Variants in KHDRBS2 observed in about 807,000 individuals in gnomAD.
KHDRBS2 encodes the protein KH RNA binding domain containing, signal transduction associated 2, also known as KH domain-containing, RNA-binding, signal transduction-associated protein 2.
Under a neutral mutation model 44.3 loss-of-function variants are expected in KHDRBS2, and 26 were observed. That is an observed-to-expected ratio of 0.59 (90% CI 0.43 to 0.81). The LOEUF (loss-of-function observed/expected upper bound fraction) is 0.81. Ranked by LOEUF, KHDRBS2 falls within the 40% of genes least tolerant of loss-of-function variation. KHDRBS2 has a pLI of 0.00. For synonymous variants in KHDRBS2, 194 were observed against 151.1 expected, an observed-to-expected ratio of 1.28 and a Z score of -2.08; for missense variants, 476 against 433.1, an observed-to-expected ratio of 1.10 and a Z score of -0.88.
At chr6:62,048,799 G>T (rs899843531) in intron 2 of KHDRBS2, among the ~76,000 whole-genome samples, 1 of 151,792 alleles carries the variant, frequency 6.6e-6, no homozygotes, top group Admixed American at 6.6e-5. Flanking sequence ...AATGACCGAG[G>T]TAATAATTTG....
At chr6:61,918,244 A>T (rs938680282) in intron 4 of KHDRBS2, among the ~76,000 whole-genome samples, 2 of 151,890 alleles carry the variant, frequency 1.3e-5, no homozygotes, top group African/African-American at 4.8e-5. Flanking sequence ...GCTGAGACCT[A>T]TTCAAAACGA....
the KHDRBS2 span, among the ~76,000 whole-genome samples, chr6:61,674,548 G>T: frequency 1.3e-5 from 2 of 151,678 alleles, no homozygotes; most frequent in Non-Finnish European, 2.9e-5. Flanking sequence ...GAAAATTCTA[G>T]TAACTTGTCC....
In KHDRBS2 at chr6:61,873,314, C is replaced by A. The variant is rs1446254404; in HGVS notation, c.810+21321G>T. Among the ~76,000 whole-genome samples the A allele has an allele frequency of 5.3e-5, 8 of 151,618 alleles. No individual in the cohort carries two copies. In the East Asian group the frequency reaches 1.4e-3, roughly 26 times the overall value. On this transcript the variant is annotated intron_variant, in intron 6 of 8. Coordinates refer to ENST00000281156, the MANE Select transcript of KHDRBS2 (RefSeq NM_152688.4). ...TATAAAGAACTCTTACAAATAAATG[C>A]AAAAACAGTAGAAAAACAGGCATAG...
the KHDRBS2 span, among the ~76,000 whole-genome samples, chr6:61,551,222 T>A: frequency 6.6e-6 from 1 of 152,210 alleles, no homozygotes; most frequent in East Asian, 1.9e-4. Context: ...TGATTGTTTT[T>A]TGCTTGTGAA....
intron 4 of KHDRBS2, among the ~76,000 whole-genome samples, chr6:61,935,319 T>C (rs182872635): frequency 2.0e-5 from 3 of 152,256 alleles, no homozygotes; most frequent in Admixed American, 1.3e-4. Context: ...ATTGCCAGTA[T>C]CACCTCTGTC....
At chr6:62,107,024 A>T (rs1003428302) in intron 2 of KHDRBS2, among the ~76,000 whole-genome samples, 10 of 152,122 alleles carry the variant, frequency 6.6e-5, no homozygotes, top group African/African-American at 1.9e-4. Flanking sequence ...TCCCTTTGAA[A>T]ACTGGCACAA....
At chr6:62,246,104 A>T (rs868271075) in intron 1 of KHDRBS2, among the ~76,000 whole-genome samples, 35 of 25,850 alleles carry the variant, frequency 1.4e-3, no homozygotes, top group African/African-American at 5.2e-3. Context: ...AATCAATTTT[A>T]TATATATATA....
intron 1 of KHDRBS2, among the ~76,000 whole-genome samples, chr6:62,229,469 G>T (rs116078749): frequency 1.2e-3 from 178 of 152,222 alleles, no homozygotes; most frequent in African/African-American, 4.2e-3. Flanking sequence ...GTTGGACATT[G>T]CCCCTCCCCC....
chr6:62,091,479 T>C (rs1372431003), intron 2 of KHDRBS2, among the ~76,000 whole-genome samples: 4 of 152,192 alleles, frequency 2.6e-5, no homozygotes, highest in Non-Finnish European at 4.4e-5. Flanking sequence ...AATGGGGCAG[T>C]CATTCCACAG....
At chr6:62,084,251 C>T (rs897727552) in intron 2 of KHDRBS2, among the ~76,000 whole-genome samples, 1 of 152,124 alleles carries the variant, frequency 6.6e-6, no homozygotes, top group African/African-American at 2.4e-5. Context: ...TTAATGTCTT[C>T]CGTCTTCATC....
intron 3 of KHDRBS2, among the ~76,000 whole-genome samples, chr6:62,041,710 G>A (rs1407428094): frequency 6.6e-6 from 1 of 151,996 alleles, no homozygotes; most frequent in East Asian, 1.9e-4. Context: ...CCAAGGAGCA[G>A]GTCTTAATTA....
chr6:62,231,515 C>T (rs1276068064), intron 1 of KHDRBS2, among the ~76,000 whole-genome samples: 2 of 152,106 alleles, frequency 1.3e-5, no homozygotes, highest in African/African-American at 2.4e-5. Context: ...CCTTGACACA[C>T]GGGGATTACA....
chr6:61,798,429 G>T (rs560018523), intron 6 of KHDRBS2, among the ~76,000 whole-genome samples: 1 of 152,168 alleles, frequency 6.6e-6, no homozygotes, highest in South Asian at 2.1e-4. Context: ...ATTATTTAAA[G>T]CTATGTACAC....
chr6:61,846,082 C>T (rs1156839116), intron 6 of KHDRBS2, among the ~76,000 whole-genome samples: 1 of 152,174 alleles, frequency 6.6e-6, no homozygotes. Flanking sequence ...CCCATTTGGC[C>T]TTCCGCCCTG....
intron 6 of KHDRBS2, among the ~76,000 whole-genome samples, chr6:61,814,274 A>G (rs1242818552): frequency 6.6e-6 from 1 of 152,182 alleles, no homozygotes; most frequent in Non-Finnish European, 1.5e-5. Context: ...CTGAAATTAA[A>G]ATAAATGAAC....
At chr6:61,877,188 G>T (rs1199213336) in intron 6 of KHDRBS2, among the ~76,000 whole-genome samples, 3 of 151,894 alleles carry the variant, frequency 2.0e-5, no homozygotes, top group Non-Finnish European at 4.4e-5. Flanking sequence ...GTTGACCCCT[G>T]CATTGGACCT....
At chr6:61,862,609 G>T (rs1476789387) in intron 6 of KHDRBS2, among the ~76,000 whole-genome samples, 2 of 152,094 alleles carry the variant, frequency 1.3e-5, no homozygotes, top group Admixed American at 6.6e-5. Flanking sequence ...CTGTTTATGT[G>T]ATGAATCATG....
At chr6:61,924,749 T>G (rs1808657670) in intron 4 of KHDRBS2, among the ~76,000 whole-genome samples, 1 of 151,922 alleles carries the variant, frequency 6.6e-6, no homozygotes, top group African/African-American at 2.4e-5. Flanking sequence ...TATTTAGTAT[T>G]TTATTTTAAA....
intron 6 of KHDRBS2, among the ~76,000 whole-genome samples, chr6:61,889,825 C>T (rs1381893864): frequency 6.6e-6 from 1 of 152,246 alleles, no homozygotes; most frequent in Non-Finnish European, 1.5e-5. Context: ...TCTGCTCCAG[C>T]TTTAATGTCC....
Sources: gnomAD v4.1 joint callset for allele counts (sites outside exome capture counted in the v4.1 genomes callset) on GRCh38, gnomAD v4.1.1 for gene constraint, MANE v1.5 for transcripts, NCBI Gene and HGNC (gene_info 2026-07-23, HGNC 2026-07-21) for gene names.